The following RSPO1 variants were observed in gnomAD, a reference collection of about 807,000 sequenced individuals.
RSPO1 encodes the protein R-spondin 1.
In RSPO1, 18 loss-of-function variants were observed where a neutral mutation model predicts 26.0. That is an observed-to-expected ratio of 0.69 (90% CI 0.48 to 1.03). The LOEUF (loss-of-function observed/expected upper bound fraction) is 1.03. RSPO1 is among the 50% of genes least tolerant of loss of function. The pLI is 0.00. For synonymous variants in RSPO1, 133 were observed against 137.4 expected (o/e 0.97, Z 0.22); for missense variants, 309 against 352.3 (o/e 0.88, Z 0.98).
chr1:37,616,539 C>G lies in RSPO1; in HGVS notation c.231G>C (p.Pro77=), dbSNP rs778066733. The G allele has an allele frequency of 6.2e-7, 1 of 1,614,178 alleles. No homozygotes were observed. Among genetic ancestry groups the G allele is most frequent in the South Asian group, 1.1e-5 (1 of 91,092 alleles). The change falls in exon 4 of 7, where the codon CCG becomes CCC. Residue 77 remains proline, a synonymous_variant. Transcript: ENST00000356545. ...NDIRQVGVCL[P]SCPPGYFDAR... The stretch of plus-strand genomic sequence containing the variant: ...CGTCGAAGTATCCAGGTGGGCAGGA[C>G]GGCAAGCAGACGCCCACCTGGCGGA...
chr1:37,616,665 C>T lies in RSPO1; in HGVS notation c.105G>A (p.Glu35=). The change falls in exon 4 of 7, where the codon GAG becomes GAA. Residue 35 remains glutamate, a synonymous_variant. Coordinates refer to ENST00000356545, the MANE Select transcript of RSPO1 (RefSeq NM_001242908.2). ...AGCCTTTGGCACAGGCCTGGCTCCC[C>T]TCGGCACTGACTGCAAAGGTGGAGC... ...KGKRQRRISA[E]GSQACAKGCE... 4 of 1,614,024 alleles carry T rather than the reference C, an allele frequency of 2.5e-6. No homozygotes were observed. The highest frequency in any genetic ancestry group is 3.4e-6 in the Non-Finnish European group (4 of 1,180,026).
intron 3 of RSPO1, among the ~76,000 whole-genome samples, chr1:37,627,577 G>A (rs1298073370): frequency 2.0e-5 from 3 of 152,024 alleles, no homozygotes; most frequent in African/African-American, 7.3e-5. Flanking sequence ...TTGAACCCGG[G>A]AGGCGGAGGT....
intron 1 of RSPO1, 58 bp from the exon 2 acceptor site, chr1:37,632,411 C>T (rs1644372060): frequency 6.6e-6 from 1 of 152,204 alleles, no homozygotes; most frequent in African/African-American, 2.4e-5. Context: ...TGACACTGGC[C>T]TCCCCCACCT....
intron 1 of RSPO1, among the ~76,000 whole-genome samples, chr1:37,632,602 C>G (rs1226516030): frequency 1.3e-5 from 2 of 152,220 alleles, no homozygotes; most frequent in African/African-American, 4.8e-5. Flanking sequence ...CCGTTCAGCT[C>G]TGACTGATTG....
intron 4 of RSPO1, among the ~76,000 whole-genome samples, chr1:37,615,730 C>T (rs918541193): frequency 6.6e-6 from 1 of 152,222 alleles, no homozygotes; most frequent in African/African-American, 2.4e-5. Context: ...GCTGCATCTA[C>T]AGAGAAGGGA....
chr1:37,614,316 A>G lies in RSPO1; in HGVS notation c.304T>C (p.Cys102Arg). 3 of 1,613,768 alleles carry G rather than the reference A, an allele frequency of 1.9e-6. No individual in the cohort carries two copies. The highest frequency in any genetic ancestry group is 2.5e-6 in the Non-Finnish European group (3 of 1,180,034). The part of the protein sequence containing the change: ...NKCIKCKIEH[C>R]EACFSHNFCT... ...AAGTTATGGCTGAAGCAGGCCTCACAGTGCTCGATCTTGCATTCTGAGGAG... is the reference window on the plus strand; with the variant it reads ...AAGTTATGGCTGAAGCAGGCCTCACGGTGCTCGATCTTGCATTCTGAGGAG... The change falls in exon 5 of 7, where the codon TGT becomes CGT. Residue 102 changes from cysteine to arginine, a missense_variant. Transcript: ENST00000356545.
At chr1:37,627,121 G>A (rs547094650) in intron 3 of RSPO1, among the ~76,000 whole-genome samples, 148 of 152,214 alleles carry the variant, frequency 9.7e-4, no homozygotes, top group African/African-American at 3.4e-3. Context: ...TAGATTGAGT[G>A]GCTTCTGGTG....
At position 37,613,104 on chromosome 1, in the gene RSPO1, C is replaced by T. The variant is rs1644051311; in HGVS notation, c.626-183G>A. Among the ~76,000 whole-genome samples the T allele has an allele frequency of 6.6e-6, 1 of 152,210 alleles. No homozygotes were observed. Among genetic ancestry groups the T allele is most frequent in the East Asian group, 1.9e-4 (1 of 5,198 alleles). On this transcript the variant is annotated intron_variant, in intron 6 of 6. Transcript: ENST00000356545. The surrounding 1 kb of genome is among the most constrained non-coding windows in gnomAD (Gnocchi z 4.5). ...CTCTGACAGCAGCCACTTCAGAGGA[C>T]CCCGAGGCTTGAGTACTGGGAGGCA... is the stretch of plus-strand genomic sequence containing the variant.
intron 3 of RSPO1, 69 bp downstream of exon 3, chr1:37,629,499 C>T (rs1204740419): frequency 3.1e-6 from 4 of 1,279,042 alleles, no homozygotes; most frequent in African/African-American, 1.5e-5. Flanking sequence ...CTCCTGAAGA[C>T]CCCTAGTTCC....
Position 37,634,375 on chromosome 1 carries a change from C to T in RSPO1, c.-356+191G>A, listed in dbSNP as rs929236759. 7.9e-5 allele frequency among the ~76,000 whole-genome samples: 12 copies of T among 152,074 alleles called. No homozygotes were observed. Among genetic ancestry groups the T allele is most frequent in the African/African-American group, 2.2e-4 (9 of 41,398 alleles). On this transcript the variant is annotated intron_variant, in intron 1 of 6. Transcript: ENST00000356545. This position sits in a 1 kb window ranked among gnomAD's most constrained non-coding sequence, Gnocchi z 4.7. ...CTGGATTGAGGGCCGACGGGGGCGG[C>T]AGACTTGCAGGAAGGGTGCAGGAGG...
In RSPO1 at chr1:37,634,253, A is replaced by C. The variant is rs1236840163; in HGVS notation, c.-356+313T>G. ...ACTTCTGGATTGGAGGCGGGGTATAAACAGGGCTGGTGGACTTGGGGAATT... is the reference window on the plus strand; with the variant it reads ...ACTTCTGGATTGGAGGCGGGGTATACACAGGGCTGGTGGACTTGGGGAATT... On this transcript the variant is annotated intron_variant, in intron 1 of 6. Transcript: ENST00000356545. The surrounding 1 kb of genome is among the most constrained non-coding windows in gnomAD (Gnocchi z 4.7). Among the ~76,000 whole-genome samples, 3 of 152,122 alleles carry C rather than the reference A, an allele frequency of 2.0e-5. No homozygotes were observed. The highest frequency in any genetic ancestry group is 7.2e-5 in the African/African-American group (3 of 41,412).
chr1:37,623,926 A>AT (rs1308574204), intron 3 of RSPO1, among the ~76,000 whole-genome samples: 2 of 151,366 alleles, frequency 1.3e-5, no homozygotes, highest in African/African-American at 2.4e-5. Flanking sequence ...CACCCAGCTG[A>AT]TTTTTTTGTA....
chr1:37,614,835 C>A (rs1265957822), intron 4 of RSPO1, among the ~76,000 whole-genome samples: 1 of 152,228 alleles, frequency 6.6e-6, no homozygotes, highest in South Asian at 2.1e-4. Context: ...GGTTCTCCTC[C>A]TGCCTGGCAG....
chr1:37,620,219 A>G (rs1320285249), intron 3 of RSPO1, among the ~76,000 whole-genome samples: 2 of 152,188 alleles, frequency 1.3e-5, no homozygotes, highest in African/African-American at 4.8e-5. Flanking sequence ...TTTTTGGAAA[A>G]TGAAATTTAT....
chr1:37,630,338 C>T (rs1305265201), intron 2 of RSPO1, among the ~76,000 whole-genome samples: 2 of 152,230 alleles, frequency 1.3e-5, no homozygotes, highest in Non-Finnish European at 1.5e-5. Flanking sequence ...CTCTCTCTCT[C>T]TCTGTCCTTG....
chr1:37,623,031 C>T (rs1570111873), intron 3 of RSPO1, among the ~76,000 whole-genome samples: 1 of 152,176 alleles, frequency 6.6e-6, no homozygotes, highest in East Asian at 1.9e-4. Flanking sequence ...CATCAAGACA[C>T]AGGGCTCAGA....
chr1:37,632,298 C>T lies in RSPO1; in HGVS notation c.-300G>A, dbSNP rs954924448. On this transcript the variant is annotated 5_prime_UTR_variant, in exon 2 of 7. Coordinates refer to ENST00000356545, the MANE Select transcript of RSPO1 (RefSeq NM_001242908.2). The stretch of plus-strand genomic sequence containing the variant: ...CCTGCCACACTCACCCAGTCCTTGC[C>T]AGCGGTGATCTTCTGGCCCACTCCC... 1 of 152,264 alleles carries T rather than the reference C, an allele frequency of 6.6e-6. No individual in the cohort carries two copies. Among genetic ancestry groups the T allele is most frequent in the Admixed American group, 6.5e-5 (1 of 15,280 alleles). The allele number at this position is 152,264 out of a possible 1,614,324, so 9.4% of individuals were successfully genotyped here. A position where few individuals can be genotyped will look rare whatever the true frequency, so the allele number is the denominator to read the frequency against.
intron 3 of RSPO1, among the ~76,000 whole-genome samples, chr1:37,620,659 T>TA (rs1304760330): frequency 1.3e-5 from 2 of 149,106 alleles, no homozygotes; most frequent in Non-Finnish European, 3.0e-5. Context: ...ATAATAATAA[T>TA]ATATGATAAA....
rs940896453 is a variant in RSPO1 at position 37,629,757 on chromosome 1, C to T, written c.-96G>A. On this transcript the variant is annotated 5_prime_UTR_variant, in exon 3 of 7. Transcript: ENST00000356545. ...GCTAACACCTCTGGGGCTGGGTCAG[C>T]AGCAGGAGGCCCAGGCCTGGGCCGT... 1 of 1,562,456 alleles carries T rather than the reference C, an allele frequency of 6.4e-7. No individual in the cohort carries two copies. Among genetic ancestry groups the T allele is most frequent in the African/African-American group, 1.4e-5 (1 of 73,390 alleles).
Sources: gnomAD v4.1 joint callset for allele counts (sites outside exome capture counted in the v4.1 genomes callset) on GRCh38, gnomAD v4.1.1 for gene constraint, Gnocchi (gnomAD v3.1) non-coding constraint, MANE v1.5 for transcripts, NCBI Gene and HGNC (gene_info 2026-07-23, HGNC 2026-07-21) for gene names.